The following ATP1B2 variants were observed in gnomAD, a reference collection of about 807,000 sequenced individuals.
The protein encoded by ATP1B2 is ATPase Na+/K+ transporting subunit beta 2, also known as sodium/potassium-transporting ATPase subunit beta-2.
ATP1B2 carries 12 observed loss-of-function variants against 37.3 expected under a neutral mutation model. That is an observed-to-expected ratio of 0.32 (90% CI 0.21 to 0.52). ATP1B2 has a LOEUF of 0.52. ATP1B2 is among the 20% of genes least tolerant of loss of function. The probability of loss-of-function intolerance (pLI) is 0.96; values close to 1 mark genes in which losing one functional copy is unlikely to be tolerated. For missense variants in ATP1B2, 324 were observed against 391.6 expected, an observed-to-expected ratio of 0.83 and a Z score of 1.46; for synonymous variants, 139 against 140.5, an observed-to-expected ratio of 0.99 and a Z score of 0.07.
rs1355846802 is a variant in ATP1B2, at chr17:7,656,284, G to A, written c.*389G>A. 3 of 200,620 alleles carry A rather than the reference G, an allele frequency of 1.5e-5. No individual in the cohort carries two copies. Among genetic ancestry groups the A allele is most frequent in the South Asian group, 1.7e-4 (2 of 12,114 alleles). 12.4% of individuals were successfully genotyped at this position (200,620 alleles called of 1,614,324 possible). A position where few individuals can be genotyped will look rare whatever the true frequency, so the allele number is the denominator to read the frequency against. ...CCCCCCGCCACACACACACACAAAC[G>A]TGCACACGCGTCTCATTTGACCCCT... On this transcript the variant is annotated 3_prime_UTR_variant, in exon 7 of 7. Transcript: ENST00000250111.
At chr17:7,648,000 T>C (rs1178732034), upstream of ATP1B2, among the ~76,000 whole-genome samples, 1 of 151,998 alleles carries the variant, frequency 6.6e-6, no homozygotes, top group Non-Finnish European at 1.5e-5. Flanking sequence ...GGGAGGCTGA[T>C]GTGGGTGGAT....
In ATP1B2 at chr17:7,655,027, A is replaced by G. The variant is rs1213680067; in HGVS notation, c.609+343A>G. On this transcript the variant is annotated intron_variant, in intron 5 of 6. Coordinates refer to ENST00000250111, the MANE Select transcript of ATP1B2 (RefSeq NM_001678.5). This position sits in a 1 kb window ranked among gnomAD's most constrained non-coding sequence, Gnocchi z 4.4. ...CCGTATCGTTCGCTCTCCCTCCCAT[A>G]TGGCCCCCACCCGTCAGTTCCTTCT... Among the ~76,000 whole-genome samples, 1 of 151,400 alleles carries G rather than the reference A, an allele frequency of 6.6e-6. No homozygotes were observed. The highest frequency in any genetic ancestry group is 2.4e-5 in the African/African-American group (1 of 41,178).
Position 7,655,818 on chromosome 17 carries a change from G to A in ATP1B2, c.796G>A (p.Ala266Thr), listed in dbSNP as rs1321470106. 6.2e-6 allele frequency: 10 copies of A among 1,614,046 alleles called. No homozygotes were observed. The South Asian group carries it at 7.7e-5, about 12-fold the overall frequency. The change falls in exon 7 of 7, where the codon GCC (alanine) becomes ACC (threonine). Residue 266 changes from alanine to threonine, a missense_variant. Physicochemically the swap from Ala to Thr is moderately conservative, Grantham distance 58. Coordinates refer to ENST00000250111, the MANE Select transcript of ATP1B2 (RefSeq NM_001678.5). This position sits in a 1 kb window ranked among gnomAD's most constrained non-coding sequence, Gnocchi z 4.4. Reference sequence around the variant, plus strand: ...GAATGTAGAATGTCGCATCAACGCCGCCAACATCGCCACAGACGATGAGCG... The same window carrying A: ...GAATGTAGAATGTCGCATCAACGCCACCAACATCGCCACAGACGATGAGCG... ...EVNVECRINA[A>T]NIATDDERDK...
Position 7,651,532 on chromosome 17 carries a change from A to G in ATP1B2, c.14A>G (p.Lys5Arg). The change falls in exon 1 of 7, where the codon AAA (lysine) becomes AGA (arginine). Residue 5 changes from lysine to arginine, a missense_variant. Physicochemically the swap from Lys to Arg is conservative, Grantham distance 26 (BLOSUM62 2). Transcript: ENST00000250111. Reference protein sequence around the residue: MVIQKEKKSCGQVVE... With the variant: MVIQREKKSCGQVVE... ...CGCGCCACCAAGATGGTCATCCAGA[A>G]AGAGAAGAAGAGCTGCGGGCAGGTG... The G allele has an allele frequency of 6.2e-7, 1 of 1,601,650 alleles. No individual in the cohort carries two copies. The highest frequency in any genetic ancestry group is 1.3e-5 in the African/African-American group (1 of 74,704).
upstream of ATP1B2, among the ~76,000 whole-genome samples, chr17:7,650,623 A>G (rs561524726): frequency 2.5e-3 from 375 of 152,106 alleles, no homozygotes; most frequent in African/African-American, 8.7e-3. Context: ...ACCTTTGAGC[A>G]TATATCGGCT....
upstream of ATP1B2, among the ~76,000 whole-genome samples, chr17:7,648,642 T>C (rs1319645143): frequency 6.6e-6 from 1 of 151,866 alleles, no homozygotes. Context: ...CCCCTAGGTT[T>C]TGAACAAGGG....
chr17:7,651,656 CG>C, intron 1 of ATP1B2, 26 bp downstream of exon 1: 2 of 1,558,708 alleles, frequency 1.3e-6, no homozygotes, highest in Non-Finnish European at 8.7e-7. Context: ...ACGCAAGGGG[CG>C]GGGGAAAGCC....
At chr17:7,653,330 G>A (rs951289943) in intron 1 of ATP1B2, 44 bp from the exon 2 acceptor site, 3 of 1,612,408 alleles carry the variant, frequency 1.9e-6, no homozygotes, top group Non-Finnish European at 2.5e-6. Flanking sequence ...TTGAGGTTAT[G>A]GTGGGAACCT....
Position 7,654,166 on chromosome 17 carries a change from G to A in ATP1B2, c.461G>A (p.Arg154Gln), listed in dbSNP as rs780761413. The change falls in exon 4 of 7, where the codon CGG becomes CAG. Residue 154 changes from arginine (R) to glutamine (Q), a missense_variant. Arg to Gln is a conservative substitution (Grantham distance 43, BLOSUM62 1). Transcript: ENST00000250111. This position sits in a 1 kb window ranked among gnomAD's most constrained non-coding sequence, Gnocchi z 4.9. ...NYPKRACQFN[R>Q]TQLGNCSGIG... ...CCCAAACGTGCCTGCCAATTCAACC[G>A]GACCCAGCTGGGCAACTGCTCCGGC... 7.4e-6 allele frequency: 12 copies of A among 1,614,036 alleles called. No homozygotes were observed. Among genetic ancestry groups the A allele is most frequent in the South Asian group, 1.1e-5 (1 of 91,088 alleles).
chr17:7,649,476 C>T (rs1447207970), upstream of ATP1B2, among the ~76,000 whole-genome samples: 1 of 151,994 alleles, frequency 6.6e-6, no homozygotes, highest in African/African-American at 2.4e-5. Flanking sequence ...CAAGCTCCGC[C>T]TCCCGGGTTC....
chr17:7,649,883 G>A (rs1397787260), upstream of ATP1B2, among the ~76,000 whole-genome samples: 1 of 151,926 alleles, frequency 6.6e-6, no homozygotes, highest in East Asian at 1.9e-4. Flanking sequence ...AAGTAGAGAC[G>A]GGGTTTCACC....
Position 7,651,319 on chromosome 17 carries a change from T to C in ATP1B2, c.-200T>C. On this transcript the variant is annotated 5_prime_UTR_variant, in exon 1 of 7. Coordinates refer to ENST00000250111, the MANE Select transcript of ATP1B2 (RefSeq NM_001678.5). ...TTGGGGGGCCTAGGATCGGTGCATCTTCCGCCGCGCTGCCAGCACCCCGCA... is the reference window on the plus strand; with the variant it reads ...TTGGGGGGCCTAGGATCGGTGCATCCTCCGCCGCGCTGCCAGCACCCCGCA... 1.7e-6 allele frequency: 1 copy of C among 584,850 alleles called. No homozygotes were observed. Among genetic ancestry groups the C allele is most frequent in the Non-Finnish European group, 3.1e-6 (1 of 327,524 alleles). The allele number at this position is 584,850 out of a possible 1,614,324, so 36.2% of individuals were successfully genotyped here. A position where few individuals can be genotyped will look rare whatever the true frequency, so the allele number is the denominator to read the frequency against.
upstream of ATP1B2, among the ~76,000 whole-genome samples, chr17:7,647,836 A>C (rs2072584049): frequency 6.7e-6 from 1 of 150,330 alleles, no homozygotes; most frequent in Admixed American, 6.6e-5. Flanking sequence ...GAAAAAAAAA[A>C]CATGTAAACA....
intron 1 of ATP1B2, among the ~76,000 whole-genome samples, chr17:7,652,113 C>G (rs2072618092): frequency 6.6e-6 from 1 of 151,932 alleles, no homozygotes. Flanking sequence ...TGTCTGTATC[C>G]CACCGCCTGG....
Position 7,656,215 on chromosome 17 carries a change from T to C in ATP1B2, c.*320T>C, listed in dbSNP as rs1310316744. The C allele has an allele frequency of 2.8e-6, 1 of 359,936 alleles. No homozygotes were observed. 22.3% of individuals were successfully genotyped at this position (359,936 alleles called of 1,614,324 possible). A position where few individuals can be genotyped will look rare whatever the true frequency, so the allele number is the denominator to read the frequency against. ...TCCACTCTCCTGCCTGCATATCCCCTGAGAGTTATAGGAAGTGCCCACTGA... is the reference window on the plus strand; with the variant it reads ...TCCACTCTCCTGCCTGCATATCCCCCGAGAGTTATAGGAAGTGCCCACTGA... On this transcript the variant is annotated 3_prime_UTR_variant, in exon 7 of 7. Transcript: ENST00000250111.
rs1021278583 is a variant in ATP1B2, at chr17:7,651,452, A to C, written c.-67A>C. 1.4e-6 allele frequency: 2 copies of C among 1,414,912 alleles called. No homozygotes were observed. The highest frequency in any genetic ancestry group is 2.0e-5 in the Admixed American group (1 of 50,532). The allele number at this position is 1,414,912 out of a possible 1,614,324, so 87.6% of individuals were successfully genotyped here. ...TGCTTTTGGGTGTGTGGAGGGCTTC[A>C]GCGCGCGGCGCCCCCGCTTCTCCGC... On this transcript the variant is annotated 5_prime_UTR_variant, in exon 1 of 7. Transcript: ENST00000250111.
rs1286324994 is a variant in ATP1B2, at chr17:7,656,446, GTCT to G, written c.*555_*557del. 1 of 157,226 alleles carries G rather than the reference GTCT, an allele frequency of 6.4e-6. No individual in the cohort carries two copies. Among genetic ancestry groups the G allele is most frequent in the African/African-American group, 2.4e-5 (1 of 41,448 alleles). 9.7% of individuals were successfully genotyped at this position (157,226 alleles called of 1,614,324 possible). On this transcript the variant is annotated 3_prime_UTR_variant, in exon 7 of 7. Transcript: ENST00000250111. ...TTGAATTTATCTGGCTCCTGGGCAG[GTCT>G]TCTCCTCCTCTCCATCCCTATTCCC...
chr17:7,651,215 T>TG lies in ATP1B2; in HGVS notation c.-302dup, dbSNP rs200187444. 9.3e-3 allele frequency: 3,308 copies of TG among 356,598 alleles called. 93 individuals are homozygous for TG. Among genetic ancestry groups the TG allele is most frequent in the African/African-American group, 0.063 (2,837 of 44,750 alleles). 22.1% of individuals were successfully genotyped at this position (356,598 alleles called of 1,614,324 possible). A position where few individuals can be genotyped will look rare whatever the true frequency, so the allele number is the denominator to read the frequency against. ...CATTTCGTTTTGTTTCTAGACGGTT[T>TG]GGTGGGGGGTGAAGCTGCATTCATA... On this transcript the variant is annotated 5_prime_UTR_variant, in exon 1 of 7. Transcript: ENST00000250111.
Position 7,651,427 on chromosome 17 carries a change from T to G in ATP1B2, c.-92T>G. ...TTGCCCGCGCCGCCTTCGCTCCCCG[T>G]GCTTTTGGGTGTGTGGAGGGCTTCA... is the stretch of plus-strand genomic sequence containing the variant. On this transcript the variant is annotated 5_prime_UTR_variant, in exon 1 of 7. Coordinates refer to ENST00000250111, the MANE Select transcript of ATP1B2 (RefSeq NM_001678.5). The G allele has an allele frequency of 8.5e-7, 1 of 1,169,654 alleles. No homozygotes were observed. The highest frequency in any genetic ancestry group is 1.2e-6 in the Non-Finnish European group (1 of 811,424). The allele number at this position is 1,169,654 out of a possible 1,614,324, so 72.5% of individuals were successfully genotyped here.
Sources: gnomAD v4.1 joint callset for allele counts (sites outside exome capture counted in the v4.1 genomes callset) on GRCh38, gnomAD v4.1.1 for gene constraint, Gnocchi (gnomAD v3.1) non-coding constraint, MANE v1.5 for transcripts, NCBI Gene and HGNC (gene_info 2026-07-23, HGNC 2026-07-21) for gene names.